The following MSANTD2 variants were observed in gnomAD, a reference collection of about 807,000 sequenced individuals.
MSANTD2 encodes the protein myb/SANT-like DNA-binding domain-containing protein 2.
In MSANTD2, 19 loss-of-function variants were observed where a neutral mutation model predicts 52.6. That is an observed-to-expected ratio of 0.36 (90% CI 0.25 to 0.53). The LOEUF is 0.53. Among genes scored for constraint, MSANTD2 ranks in the 20% least tolerant of loss-of-function variants. The pLI is 0.91. For synonymous variants in MSANTD2, 291 were observed against 289.7 expected (o/e 1.00, Z -0.04); for missense variants, 558 against 716.3 (o/e 0.78, Z 2.52).
chr11:124,768,066 T>G, intron 3 of MSANTD2, 38 bp from the exon 4 acceptor site: 1 of 1,561,926 alleles, frequency 6.4e-7, no homozygotes, highest in Non-Finnish European at 8.7e-7. Context: ...CCTAAGTATC[T>G]AGAACAGCGG....
intron 1 of MSANTD2, chr11:124,789,599 T>A (rs1211901243): frequency 6.6e-6 from 1 of 151,884 alleles, no homozygotes; most frequent in Non-Finnish European, 1.5e-5. Flanking sequence ...TCCTACTAAG[T>A]GAAAAGGTAA....
intron 1 of MSANTD2, chr11:124,784,642 C>G (rs190585287): frequency 2.0e-6 from 2 of 984,690 alleles, no homozygotes; most frequent in Non-Finnish European, 2.4e-6. Context: ...TTATTCCTTT[C>G]GTCTGTTGAC....
At chr11:124,790,956 T>C (rs1945312694) in intron 1 of MSANTD2, 1 of 297,798 alleles carries the variant, frequency 3.4e-6, no homozygotes, top group Non-Finnish European at 6.4e-6. Flanking sequence ...AAAATCTTGA[T>C]CTCACTGTAT....
chr11:124,769,727 C>T (rs1257393732), intron 3 of MSANTD2, among the ~76,000 whole-genome samples: 1 of 152,204 alleles, frequency 6.6e-6, no homozygotes, highest in Non-Finnish European at 1.5e-5. Flanking sequence ...CTAATCCCAC[C>T]TATACCTACA....
chr11:124,775,447 G>A, intron 1 of MSANTD2: 1 of 157,382 alleles, frequency 6.4e-6, no homozygotes. Context: ...TGATTAAGAA[G>A]GAATGAATAC....
chr11:124,799,260 C>G (rs1945596902), intron 1 of MSANTD2, among the ~76,000 whole-genome samples: 1 of 152,204 alleles, frequency 6.6e-6, no homozygotes, highest in African/African-American at 2.4e-5. Context: ...ACACTAACTC[C>G]GCGGTAACAA....
chr11:124,798,013 C>T (rs1945549837), intron 1 of MSANTD2, among the ~76,000 whole-genome samples: 1 of 152,060 alleles, frequency 6.6e-6, no homozygotes, highest in Non-Finnish European at 1.5e-5. Flanking sequence ...AGAAATCAAT[C>T]AAGCTGAAAC....
Sources: allele counts gnomAD v4.1 joint callset (sites outside exome capture counted in the v4.1 genomes callset), GRCh38; gene constraint gnomAD v4.1.1; transcripts MANE v1.5; gene names NCBI Gene and HGNC (gene_info 2026-07-23, HGNC 2026-07-21).